GRIK3: variants seen among roughly 807,000 people sequenced by gnomAD.
GRIK3 encodes the protein glutamate ionotropic receptor kainate type subunit 3.
A neutral mutation model predicts 102.5 loss-of-function variants in GRIK3; 29 were observed. The ratio of observed to expected loss-of-function variants is 0.28; its 90% CI spans 0.21 to 0.39. The LOEUF (loss-of-function observed/expected upper bound fraction) is 0.39, where lower values mean the gene tolerates loss of function less well. Among genes scored for constraint, GRIK3 ranks in the 10% least tolerant of loss-of-function variants. The pLI is 1.00. For synonymous variants in GRIK3, 511 were observed against 504.9 expected, an observed-to-expected ratio of 1.01 and a Z score of -0.16; for missense variants, 908 against 1,252.4, an observed-to-expected ratio of 0.73 and a Z score of 4.15.
At chr1:36,916,618 G>A (rs1026532734) in intron 1 of GRIK3, among the ~76,000 whole-genome samples, 4 of 152,152 alleles carry the variant, frequency 2.6e-5, no homozygotes, top group African/African-American at 9.7e-5. Flanking sequence ...GACTAAAAGG[G>A]GACAAGTTAC....
chr1:36,822,767 C>A (rs1642709800), intron 11 of GRIK3, among the ~76,000 whole-genome samples: 1 of 152,182 alleles, frequency 6.6e-6, no homozygotes, highest in Non-Finnish European at 1.5e-5. Context: ...GGGCTGCTCA[C>A]CCTCAGCCCT....
intron 5 of GRIK3, among the ~76,000 whole-genome samples, chr1:36,860,881 C>A (rs551853281): frequency 6.6e-6 from 1 of 152,164 alleles, no homozygotes; most frequent in Non-Finnish European, 1.5e-5. Flanking sequence ...TCCAACATGA[C>A]AATGAAACAT....
intron 1 of GRIK3, among the ~76,000 whole-genome samples, chr1:36,894,359 T>G (rs1316849549): frequency 2.6e-5 from 4 of 152,394 alleles, no homozygotes; most frequent in African/African-American, 9.6e-5. Flanking sequence ...TAAATAATAT[T>G]ACTTTGTATA....
chr1:36,892,450 C>G (rs1299551179), intron 1 of GRIK3, among the ~76,000 whole-genome samples: 3 of 141,158 alleles, frequency 2.1e-5, no homozygotes, highest in Non-Finnish European at 3.0e-5. Context: ...CCAACTTGAG[C>G]AACATAGTGA....
At chr1:36,964,971 G>C (rs1156299823) in intron 1 of GRIK3, among the ~76,000 whole-genome samples, 1 of 152,188 alleles carries the variant, frequency 6.6e-6, no homozygotes, top group African/African-American at 2.4e-5. Flanking sequence ...CCAATTATAA[G>C]ACAAATGTTT....
intron 1 of GRIK3, among the ~76,000 whole-genome samples, chr1:37,005,118 C>T (rs1040781218): frequency 2.2e-4 from 34 of 152,226 alleles, no homozygotes; most frequent in East Asian, 7.7e-4. Context: ...CCTACTCCTG[C>T]GACTCCCACT....
chr1:36,879,970 G>C (rs1412033599), intron 3 of GRIK3, among the ~76,000 whole-genome samples: 1 of 152,220 alleles, frequency 6.6e-6, no homozygotes, highest in Non-Finnish European at 1.5e-5. Context: ...GCACGTGCAG[G>C]TGTCTGTGTG....
intron 1 of GRIK3, among the ~76,000 whole-genome samples, chr1:36,994,349 G>A (rs9628638): frequency 0.43 from 65,752 of 152,104 alleles, 16,217 homozygotes; most frequent in African/African-American, 0.67. Flanking sequence ...GCCTTCAACC[G>A]TTTAACCATT....
At position 36,971,032 on chromosome 1, in the gene GRIK3, C is replaced by T. The variant is rs1342032364; in HGVS notation, c.115+62962G>A. Among the ~76,000 whole-genome samples the T allele has an allele frequency of 2.6e-5, 4 of 152,196 alleles. No individual in the cohort carries two copies. In the East Asian group the frequency reaches 7.7e-4, roughly 29 times the overall value. The stretch of plus-strand genomic sequence containing the variant: ...ACCAGCCAGGCAAAGCAAAATTGGC[C>T]TCTCTCTGGCTTTACTGCTGTGGGA... On this transcript the variant is annotated intron_variant, in intron 1 of 15. Transcript: ENST00000373091.
chr1:36,905,314 G>A (rs542515), intron 1 of GRIK3, among the ~76,000 whole-genome samples: 7,269 of 152,152 alleles, frequency 0.048, 454 homozygotes, highest in African/African-American at 0.14. Flanking sequence ...TTTCTCCTCA[G>A]ATTAATTTAT....
At chr1:36,846,817 G>A (rs1167524008) in intron 9 of GRIK3, among the ~76,000 whole-genome samples, 3 of 152,206 alleles carry the variant, frequency 2.0e-5, no homozygotes, top group Non-Finnish European at 2.9e-5. Flanking sequence ...TAGTTTCAGG[G>A]GGCCCTAGGC....
Position 37,033,988 on chromosome 1 carries a change from G to T in GRIK3, c.115+6C>A, listed in dbSNP as rs914231403. 7.1e-6 allele frequency: 11 copies of T among 1,552,996 alleles called. No homozygotes were observed. Among genetic ancestry groups the T allele is most frequent in the Non-Finnish European group, 9.7e-6 (11 of 1,137,872 alleles). ...ACGGAGACCCCCGGCTCCAGGGAGC[G>T]CTTACCGATCCGGATGACGTGGGGC... On this transcript the variant is annotated splice_donor_region_variant and intron_variant, in intron 1 of 15. Transcript: ENST00000373091.
At chr1:36,891,730 T>C (rs995369494) in intron 1 of GRIK3, among the ~76,000 whole-genome samples, 13 of 151,940 alleles carry the variant, frequency 8.6e-5, no homozygotes, top group African/African-American at 3.1e-4. Context: ...CATTAACCAA[T>C]GAAATAAGAA....
intron 1 of GRIK3, among the ~76,000 whole-genome samples, chr1:36,957,965 G>A (rs1479393965): frequency 5.2e-4 from 41 of 78,778 alleles, no homozygotes; most frequent in African/African-American, 2.6e-3. Flanking sequence ...TCTGTGCCCC[G>A]TGAGTCTGTG....
At chr1:36,899,810 T>C (rs924031336) in intron 1 of GRIK3, among the ~76,000 whole-genome samples, 4 of 152,178 alleles carry the variant, frequency 2.6e-5, no homozygotes, top group Non-Finnish European at 2.9e-5. Context: ...AGGAACTTTA[T>C]CAGAGACAAA....
chr1:36,972,756 G>C (rs1642157140), intron 1 of GRIK3, among the ~76,000 whole-genome samples: 1 of 152,192 alleles, frequency 6.6e-6, no homozygotes, highest in African/African-American at 2.4e-5. Flanking sequence ...AGAAAACTGA[G>C]GCTCAGAGAG....
chr1:36,945,129 G>A (rs1416337695), intron 1 of GRIK3, among the ~76,000 whole-genome samples: 4 of 152,254 alleles, frequency 2.6e-5, no homozygotes, highest in Non-Finnish European at 2.9e-5. Flanking sequence ...GCACAAGGGC[G>A]GACGCCTTTC....
At chr1:36,898,787 G>A (rs377377814) in intron 1 of GRIK3, among the ~76,000 whole-genome samples, 1 of 152,242 alleles carries the variant, frequency 6.6e-6, no homozygotes. Context: ...GACATTTCCT[G>A]ATTTCAAAAC....
rs6691840 is a variant in GRIK3 at position 36,859,876 on chromosome 1, A to T, written c.928T>A (p.Ser310Thr). The part of the protein sequence containing the change: ...SMERLQAAPR[S>T]ESGLLDGVMM... ...ACTCCATCCAGCAGGCCAGACTCGG[A>T]CCGGGGAGCTGCCTGCAGCCGCTCC... The change falls in exon 6 of 16, where the codon TCC (serine) becomes ACC (threonine). Residue 310 changes from serine to threonine, a missense_variant. By Grantham distance (58) the Ser-to-Thr change is moderately conservative. Coordinates refer to ENST00000373091, the MANE Select transcript of GRIK3 (RefSeq NM_000831.4). 4 of 1,613,720 alleles carry T rather than the reference A, an allele frequency of 2.5e-6. No homozygotes were observed. The highest frequency in any genetic ancestry group is 3.4e-6 in the Non-Finnish European group (4 of 1,179,812).
Sources: allele counts gnomAD v4.1 joint callset (sites outside exome capture counted in the v4.1 genomes callset), GRCh38; gene constraint gnomAD v4.1.1; transcripts MANE v1.5; gene names NCBI Gene and HGNC (gene_info 2026-07-23, HGNC 2026-07-21).